Variants in SNAP91 observed in about 807,000 individuals in gnomAD.
SNAP91 encodes the protein synaptosome associated protein 91.
SNAP91 carries 27 observed loss-of-function variants against 100.3 expected under a neutral mutation model. The ratio of observed to expected loss-of-function variants is 0.27; its 90% CI spans 0.20 to 0.37. The LOEUF (loss-of-function observed/expected upper bound fraction) is 0.37, where lower values mean the gene tolerates loss of function less well. Ranked by LOEUF, SNAP91 falls within the 10% of genes least tolerant of loss-of-function variation. SNAP91 has a pLI of 1.00. For missense variants in SNAP91, 986 were observed against 1,123.7 expected, an observed-to-expected ratio of 0.88 and a Z score of 1.75; for synonymous variants, 404 against 398.6, an observed-to-expected ratio of 1.01 and a Z score of -0.16.
chr6:83,697,330 ACACACACACAC>A (rs1354046279), intron 2 of SNAP91, among the ~76,000 whole-genome samples: 2 of 125,142 alleles, frequency 1.6e-5, no homozygotes, highest in African/African-American at 6.9e-5. Context: ...AGCTGCACAC[ACACACACACAC>A]ACACACACAC....
chr6:83,679,211 T>C (rs2098953099), intron 2 of SNAP91, among the ~76,000 whole-genome samples: 1 of 152,164 alleles, frequency 6.6e-6, no homozygotes, highest in South Asian at 2.1e-4. Context: ...CACTACATTT[T>C]ATATCAGGGA....
At chr6:83,681,848 T>G (rs1349285902) in intron 2 of SNAP91, among the ~76,000 whole-genome samples, 1 of 152,074 alleles carries the variant, frequency 6.6e-6, no homozygotes, top group African/African-American at 2.4e-5. Context: ...GTGGCAAAAA[T>G]CCTGGACTGA....
At chr6:83,692,463 T>A (rs919733774) in intron 2 of SNAP91, among the ~76,000 whole-genome samples, 12 of 151,506 alleles carry the variant, frequency 7.9e-5, no homozygotes, top group African/African-American at 2.9e-4. Context: ...TACAGTGAGC[T>A]GAGATCTCAC....
At chr6:83,632,306 T>C (rs1251276209) in intron 8 of SNAP91, among the ~76,000 whole-genome samples, 2 of 152,130 alleles carry the variant, frequency 1.3e-5, no homozygotes, top group Admixed American at 6.5e-5. Context: ...TGCTTCTGTC[T>C]CACAGCTCTT....
chr6:83,649,973 T>C (rs2098127518), intron 7 of SNAP91, among the ~76,000 whole-genome samples: 1 of 152,204 alleles, frequency 6.6e-6, no homozygotes, highest in Non-Finnish European at 1.5e-5. Flanking sequence ...CAAAGTTCAT[T>C]TCTTTCCCAT....
chr6:83,633,919 A>C (rs978170391), intron 8 of SNAP91, among the ~76,000 whole-genome samples: 3 of 146,564 alleles, frequency 2.0e-5, no homozygotes, highest in African/African-American at 7.5e-5. Flanking sequence ...GCATGGACAC[A>C]GGAAGGGGAA....
At position 83,648,143 on chromosome 6, in the gene SNAP91, A is replaced by G. The variant is rs553328292; in HGVS notation, c.659-6941T>C. Among the ~76,000 whole-genome samples the G allele has an allele frequency of 2.6e-4, 39 of 152,296 alleles. 1 individual carries two copies. The South Asian group carries it at 7.9e-3, about 31-fold the overall frequency. On this transcript the variant is annotated intron_variant, in intron 7 of 29. Coordinates refer to ENST00000369694, the MANE Select transcript of SNAP91 (RefSeq NM_001242792.2). ...CCTCCACTCTGAACCATGGGTAACC[A>G]CTAGTCTCTTTTCTGTCACTGTAAG... is the stretch of plus-strand genomic sequence containing the variant.
chr6:83,651,444 T>G (rs2098199951), intron 7 of SNAP91, among the ~76,000 whole-genome samples: 1 of 152,188 alleles, frequency 6.6e-6, no homozygotes, highest in African/African-American at 2.4e-5. Flanking sequence ...AAGGTGTATT[T>G]TCAGCATCAT....
At chr6:83,612,298 C>T (rs1385215058) in intron 11 of SNAP91, among the ~76,000 whole-genome samples, 1 of 150,532 alleles carries the variant, frequency 6.6e-6, no homozygotes, top group Non-Finnish European at 1.5e-5. Flanking sequence ...TCCTTAAGAA[C>T]CTAAAAATCT....
intron 7 of SNAP91, among the ~76,000 whole-genome samples, chr6:83,642,288 C>A (rs912115313): frequency 2.6e-5 from 4 of 152,202 alleles, no homozygotes; most frequent in Non-Finnish European, 4.4e-5. Flanking sequence ...GTGCTGCACC[C>A]ATTAACTCAT....
At chr6:83,706,757 A>G (rs1236188388) in intron 2 of SNAP91, among the ~76,000 whole-genome samples, 1 of 152,238 alleles carries the variant, frequency 6.6e-6, no homozygotes, top group Non-Finnish European at 1.5e-5. Context: ...CTGTGGCCAT[A>G]CCTGTGTCTC....
chr6:83,696,153 T>G (rs2099207822), intron 2 of SNAP91, among the ~76,000 whole-genome samples: 1 of 152,060 alleles, frequency 6.6e-6, no homozygotes, highest in Non-Finnish European at 1.5e-5. Flanking sequence ...AACCTAGATG[T>G]TTTAGGGAGA....
chr6:83,659,591 AT>A (rs1203049850), intron 5 of SNAP91, among the ~76,000 whole-genome samples: 5 of 151,884 alleles, frequency 3.3e-5, no homozygotes, highest in African/African-American at 1.2e-4. Context: ...CACCCGGTTA[AT>A]TTTTAAAAAA....
intron 26 of SNAP91, among the ~76,000 whole-genome samples, chr6:83,562,053 G>T (rs1380428197): frequency 6.6e-6 from 1 of 152,010 alleles, no homozygotes; most frequent in African/African-American, 2.4e-5. Context: ...AACAACAAAA[G>T]CTTCCATCAA....
Position 83,616,984 on chromosome 6 carries a change from T to C in SNAP91, c.863A>G (p.Lys288Arg). The C allele has an allele frequency of 6.5e-7, 1 of 1,546,676 alleles. No individual in the cohort carries two copies. The highest frequency in any genetic ancestry group is 8.7e-7 in the Non-Finnish European group (1 of 1,143,934). ...TAATGCGTACTTGTTTCCAGGTTTC[T>C]TTCCTTCTAATGTATTTAGATGCTG... ...LEQHLNTLEG[K>R]KPGNNEGSGA... Residue 288 changes from lysine to arginine, a missense_variant, in exon 10 of 30, where the codon AAG becomes AGG. Transcript: ENST00000369694.
chr6:83,678,010 G>C (rs545819906), intron 2 of SNAP91, among the ~76,000 whole-genome samples: 2 of 152,276 alleles, frequency 1.3e-5, no homozygotes, highest in East Asian at 1.9e-4. Flanking sequence ...TTTGTTGCTA[G>C]GGAGATTTTA....
intron 8 of SNAP91, among the ~76,000 whole-genome samples, chr6:83,626,829 T>G (rs998186939): frequency 6.6e-6 from 1 of 152,026 alleles, no homozygotes; most frequent in Non-Finnish European, 1.5e-5. Flanking sequence ...GACTTCCTCT[T>G]TTCCTATTTG....
At chr6:83,645,805 C>A (rs12154161) in intron 7 of SNAP91, among the ~76,000 whole-genome samples, 1 of 152,086 alleles carries the variant, frequency 6.6e-6, no homozygotes, top group Non-Finnish European at 1.5e-5. Flanking sequence ...GAGCTGTGTT[C>A]GTGCCACTGC....
rs185444908 is a variant in SNAP91 at position 83,650,455 on chromosome 6, G to C, written c.658+6299C>G. Among the ~76,000 whole-genome samples the C allele has an allele frequency of 7.2e-5, 11 of 152,248 alleles. No individual in the cohort carries two copies. In the East Asian group the frequency reaches 2.1e-3, roughly 29 times the overall value. ...TTTTTTTGAGATGGAGTCTCACTCT[G>C]TTGCCCAGGCTGGAGTGCAGTGGCA... On this transcript the variant is annotated intron_variant, in intron 7 of 29. Coordinates refer to ENST00000369694, the MANE Select transcript of SNAP91 (RefSeq NM_001242792.2).
Sources: gnomAD v4.1 joint callset for allele counts (sites outside exome capture counted in the v4.1 genomes callset) on GRCh38, gnomAD v4.1.1 for gene constraint, MANE v1.5 for transcripts, NCBI Gene and HGNC (gene_info 2026-07-23, HGNC 2026-07-21) for gene names.